The following MEI4 variants were observed in gnomAD, a reference collection of about 807,000 sequenced individuals.
MEI4 encodes meiotic double-stranded break formation protein 4, also known as meiosis-specific protein MEI4.
A neutral mutation model predicts 31.4 loss-of-function variants in MEI4; 27 were observed. The observed-to-expected ratio is 0.86, with a 90% CI of 0.63 to 1.19. The LOEUF is 1.19. MEI4 is among the 50% of genes most tolerant of loss of function. The pLI is 0.00. For missense variants in MEI4, 329 were observed against 398.9 expected (o/e 0.82, Z 1.49); for synonymous variants, 122 against 145.4 (o/e 0.84, Z 1.16).
At chr6:77,802,921 A>C (rs1230081970) in intron 3 of MEI4, among the ~76,000 whole-genome samples, 2 of 151,958 alleles carry the variant, frequency 1.3e-5, no homozygotes, top group Non-Finnish European at 2.9e-5. Context: ...CCTTCATTTC[A>C]ACTTTGGTGA....
chr6:77,863,068 C>T (rs1419581046), intron 4 of MEI4, among the ~76,000 whole-genome samples: 1 of 147,532 alleles, frequency 6.8e-6, no homozygotes, highest in Non-Finnish European at 1.5e-5. Flanking sequence ...ACCAAAACCC[C>T]ATCTGTACAT....
At chr6:77,754,369 T>C (rs867516422) in intron 2 of MEI4, among the ~76,000 whole-genome samples, 2 of 152,128 alleles carry the variant, frequency 1.3e-5, no homozygotes, top group Admixed American at 1.3e-4. Context: ...AAGAGTTACT[T>C]TTACTCCAGT....
intron 4 of MEI4, among the ~76,000 whole-genome samples, chr6:77,899,886 T>C (rs1233766619): frequency 6.6e-6 from 1 of 151,828 alleles, no homozygotes; most frequent in African/African-American, 2.4e-5. Context: ...GGTGTGTAGA[T>C]GTCTCTTTGA....
chr6:77,733,594 A>C (rs1335203206), intron 2 of MEI4, among the ~76,000 whole-genome samples: 3 of 151,806 alleles, frequency 2.0e-5, no homozygotes, highest in Non-Finnish European at 4.4e-5. Flanking sequence ...GGATTGATTA[A>C]TTTTTTGAAG....
At chr6:77,897,595 T>G (rs902120906) in intron 4 of MEI4, among the ~76,000 whole-genome samples, 1 of 151,944 alleles carries the variant, frequency 6.6e-6, no homozygotes, top group Non-Finnish European at 1.5e-5. Context: ...GAAAAAAGGG[T>G]AAAATGTCAA....
At chr6:77,842,735 T>G (rs887713129) in intron 4 of MEI4, among the ~76,000 whole-genome samples, 1 of 152,024 alleles carries the variant, frequency 6.6e-6, no homozygotes, top group Non-Finnish European at 1.5e-5. Flanking sequence ...TGCCAATGCC[T>G]GTAAAGGGAA....
At chr6:77,700,200 C>T (rs1387557319) in intron 2 of MEI4, among the ~76,000 whole-genome samples, 3 of 152,218 alleles carry the variant, frequency 2.0e-5, no homozygotes, top group Admixed American at 2.0e-4. Context: ...GAGGTGGAGC[C>T]TACCGGGGCA....
At chr6:77,669,473 A>C (rs2127645121) in intron 1 of MEI4, among the ~76,000 whole-genome samples, 1 of 152,300 alleles carries the variant, frequency 6.6e-6, no homozygotes, top group African/African-American at 2.4e-5. Flanking sequence ...ATATGAAATG[A>C]TTAGGCTAAG....
At chr6:77,850,359 G>A (rs1770586417) in intron 4 of MEI4, among the ~76,000 whole-genome samples, 1 of 152,132 alleles carries the variant, frequency 6.6e-6, no homozygotes, top group African/African-American at 2.4e-5. Context: ...AAAGCTGGAG[G>A]CATCACACTC....
chr6:77,711,833 T>C (rs1357077244), intron 2 of MEI4, among the ~76,000 whole-genome samples: 1 of 152,218 alleles, frequency 6.6e-6, no homozygotes, highest in Non-Finnish European at 1.5e-5. Flanking sequence ...GTATTTCTGC[T>C]CTTCTTCAGT....
intron 2 of MEI4, among the ~76,000 whole-genome samples, chr6:77,750,144 C>T (rs553842433): frequency 1.3e-3 from 199 of 152,232 alleles, no homozygotes; most frequent in African/African-American, 4.3e-3. Context: ...AAGGAACAAC[C>T]GGTACCAGTC....
intron 3 of MEI4, among the ~76,000 whole-genome samples, chr6:77,810,601 T>A: frequency 6.6e-6 from 1 of 152,172 alleles, no homozygotes; most frequent in East Asian, 1.9e-4. Context: ...TCCTAGGCTG[T>A]CATTTTTATA....
chr6:77,672,131 G>C (rs1048762539), intron 1 of MEI4, among the ~76,000 whole-genome samples: 5 of 152,136 alleles, frequency 3.3e-5, no homozygotes, highest in African/African-American at 1.2e-4. Flanking sequence ...GAAGAGGAAA[G>C]AATTTTCTCA....
intron 3 of MEI4, among the ~76,000 whole-genome samples, chr6:77,810,681 G>T (rs1299927164): frequency 6.6e-6 from 1 of 151,900 alleles, no homozygotes; most frequent in African/African-American, 2.4e-5. Context: ...TGCTGTTAAA[G>T]GAAAAATACA....
At chr6:77,910,930 T>G (rs1243217041) in intron 4 of MEI4, among the ~76,000 whole-genome samples, 4 of 151,282 alleles carry the variant, frequency 2.6e-5, no homozygotes, top group East Asian at 3.9e-4. Flanking sequence ...TTCTGGTTTT[T>G]TTTTTTTTTT....
At chr6:77,905,475 CTTTTTTTTTTTTTTT>C (rs70974691) in intron 4 of MEI4, among the ~76,000 whole-genome samples, 20 of 93,342 alleles carry the variant, frequency 2.1e-4, no homozygotes, top group African/African-American at 5.0e-4. Flanking sequence ...AAATTTTCAG[CTTTTTTTTTTTTTTT>C]TTTTTTTTTT....
chr6:77,826,494 C>G (rs1769954851), intron 3 of MEI4, among the ~76,000 whole-genome samples: 1 of 152,148 alleles, frequency 6.6e-6, no homozygotes, highest in Non-Finnish European at 1.5e-5. Flanking sequence ...TCTTTATATA[C>G]TACTCTGGCC....
chr6:77,774,167 C>T (rs1351243163), intron 3 of MEI4, among the ~76,000 whole-genome samples: 2 of 151,982 alleles, frequency 1.3e-5, no homozygotes, highest in African/African-American at 2.4e-5. Flanking sequence ...TAGGTGTATA[C>T]CCAGAAGAAA....
chr6:77,687,942 TG>T (rs1287728874), intron 1 of MEI4, among the ~76,000 whole-genome samples: 2 of 152,046 alleles, frequency 1.3e-5, no homozygotes, highest in African/African-American at 4.8e-5. Context: ...CCTGGAGGCT[TG>T]GGGTGGGACT....
Sources: gnomAD v4.1 joint callset for allele counts (sites outside exome capture counted in the v4.1 genomes callset) on GRCh38, gnomAD v4.1.1 for gene constraint, MANE v1.5 for transcripts, NCBI Gene and HGNC (gene_info 2026-07-23, HGNC 2026-07-21) for gene names.